The following B4GALNT3 variants were observed in gnomAD, a reference collection of about 807,000 sequenced individuals.
B4GALNT3 encodes the protein beta-1,4-N-acetylgalactosaminyltransferase 3.
In B4GALNT3, 86 loss-of-function variants were observed where a neutral mutation model predicts 120.2. The observed-to-expected ratio is 0.72, with a 90% CI of 0.60 to 0.86. The LOEUF (loss-of-function observed/expected upper bound fraction) is 0.86. Ranked by LOEUF, B4GALNT3 falls within the 40% of genes least tolerant of loss-of-function variation. The pLI, the probability that B4GALNT3 is intolerant of heterozygous loss-of-function variation, is 0.00. For missense variants in B4GALNT3, 1,167 were observed against 1,298.9 expected (o/e 0.90, Z 1.56); for synonymous variants, 518 against 510.4 (o/e 1.01, Z -0.20).
At chr12:512,124 G>C (rs1270423056) in intron 1 of B4GALNT3, among the ~76,000 whole-genome samples, 11 of 41,732 alleles carry the variant, frequency 2.6e-4, no homozygotes, top group African/African-American at 4.7e-4. Flanking sequence ...CCACCTTCGA[G>C]CTTCCACCTT....
chr12:552,981 T>C lies in B4GALNT3; in HGVS notation c.1271-213T>C, dbSNP rs1453672259. ...TCAGTCTTCACAAACCCATGAGAGA[T>C]GCAGTATTATTCCCTTTATGCAGAT... On this transcript the variant is annotated intron_variant, in intron 13 of 19. Coordinates refer to ENST00000266383, the MANE Select transcript of B4GALNT3 (RefSeq NM_173593.4). 1.4e-5 allele frequency: 9 copies of C among 640,766 alleles called. No homozygotes were observed. In the African/African-American group the frequency reaches 1.6e-4, roughly 12 times the overall value. The allele number at this position is 640,766 out of a possible 1,614,324, so 39.7% of individuals were successfully genotyped here.
At chr12:479,736 A>C (rs1946216964) in intron 1 of B4GALNT3, among the ~76,000 whole-genome samples, 1 of 152,102 alleles carries the variant, frequency 6.6e-6, no homozygotes, top group South Asian at 2.1e-4. Flanking sequence ...CACGTTGTAG[A>C]ATCATAGAGT....
intron 1 of B4GALNT3, among the ~76,000 whole-genome samples, chr12:512,418 CCTTCCGCCTTCCGCCTTCCATCTTCCTT>C (rs1946593536): frequency 1.2e-5 from 1 of 86,456 alleles, no homozygotes; most frequent in African/African-American, 7.2e-5. Flanking sequence ...CCACCTTCCG[CCTTCCGCCTTCCGCCTTCCATCTTCCTT>C]CCACCTTCCA....
At chr12:543,099 A>G (rs1448239600) in intron 3 of B4GALNT3, 1 of 1,288,458 alleles carries the variant, frequency 7.8e-7, no homozygotes, top group Non-Finnish European at 1.0e-6. Context: ...AATGAACACC[A>G]GCCCCCTTCC....
In B4GALNT3 at chr12:536,214, C is replaced by G. The variant is rs1433010725; in HGVS notation, c.274-4C>G. The G allele has an allele frequency of 1.2e-6, 2 of 1,613,502 alleles. No individual in the cohort carries two copies. Among genetic ancestry groups the G allele is most frequent in the South Asian group, 2.2e-5 (2 of 91,074 alleles). On this transcript the variant is annotated splice_polypyrimidine_tract_variant and splice_region_variant and intron_variant, in intron 2 of 19. Coordinates refer to ENST00000266383, the MANE Select transcript of B4GALNT3 (RefSeq NM_173593.4). The stretch of plus-strand genomic sequence containing the variant: ...ACCAACTTCGTTCTTCATTCTTCCC[C>G]TAGGACCACGACATTGACCAAGGGG...
Position 553,580 on chromosome 12 carries a change from G to A in B4GALNT3, c.1657G>A (p.Gly553Ser), listed in dbSNP as rs188022936. 6.2e-7 allele frequency: 1 copy of A among 1,613,962 alleles called. No homozygotes were observed. Among genetic ancestry groups the A allele is most frequent in the African/African-American group, 1.3e-5 (1 of 75,068 alleles). Reference sequence around the variant, plus strand: ...GAGGGGGCCCAGGCCCAGGCCCGCTGGTGACAGCCCCAGGAAGACTCAGTG... The same window carrying A: ...GAGGGGGCCCAGGCCCAGGCCCGCTAGTGACAGCCCCAGGAAGACTCAGTG... ...QMRGPRPRPA[G>S]DSPRKTQWLN... The change falls in exon 14 of 20, where the codon GGT becomes AGT. Residue 553 changes from glycine (G) to serine (S), a missense_variant. By Grantham distance (56) the Gly-to-Ser change is moderately conservative. Around this residue, in one of 3 missense-constraint regions of B4GALNT3, gnomAD observed 983 missense variants for 1,102.5 expected, o/e 0.89. Transcript: ENST00000266383.
At chr12:461,078 T>C (rs542182423) in intron 1 of B4GALNT3, among the ~76,000 whole-genome samples, 15 of 152,214 alleles carry the variant, frequency 9.9e-5, no homozygotes, top group Admixed American at 9.8e-4. Flanking sequence ...TTTTTTACCA[T>C]ACCTCGGAGA....
chr12:551,059 G>T (rs1947076895), intron 11 of B4GALNT3, 28 bp downstream of exon 11: 3 of 1,545,590 alleles, frequency 1.9e-6, no homozygotes, highest in South Asian at 2.3e-5. Flanking sequence ...GTCATGGAGA[G>T]CAGGGCTGGC....
chr12:462,762 G>C (rs1027461492), intron 1 of B4GALNT3, among the ~76,000 whole-genome samples: 16 of 152,066 alleles, frequency 1.1e-4, no homozygotes, highest in African/African-American at 3.6e-4. Context: ...TTTCCCTGTG[G>C]AATAAGATTT....
intron 14 of B4GALNT3, chr12:555,338 A>G (rs1195818601): frequency 4.4e-6 from 2 of 456,946 alleles, no homozygotes; most frequent in East Asian, 1.4e-4. Context: ...GGAACCATGT[A>G]ATGTGTGGCC....
chr12:517,813 A>G (rs1236242230), intron 1 of B4GALNT3, among the ~76,000 whole-genome samples: 1 of 152,208 alleles, frequency 6.6e-6, no homozygotes, highest in Non-Finnish European at 1.5e-5. Flanking sequence ...CCAGCCATGC[A>G]TTAGCGGCCG....
chr12:470,300 TAA>T (rs1946123386), intron 1 of B4GALNT3, among the ~76,000 whole-genome samples: 1 of 152,226 alleles, frequency 6.6e-6, no homozygotes, highest in African/African-American at 2.4e-5. Context: ...AGCAGTTGCC[TAA>T]AAGATTAAAG....
chr12:483,465 G>A (rs1304102225), intron 1 of B4GALNT3, among the ~76,000 whole-genome samples: 3 of 152,186 alleles, frequency 2.0e-5, no homozygotes, highest in Non-Finnish European at 2.9e-5. Context: ...GGGAGGCCAA[G>A]GCAGATGAAT....
chr12:506,720 T>C (rs568323041), intron 1 of B4GALNT3, among the ~76,000 whole-genome samples: 6 of 152,152 alleles, frequency 3.9e-5, no homozygotes, highest in African/African-American at 1.4e-4. Flanking sequence ...CACTGCAAGC[T>C]CCGCCTCCCG....
Position 554,916 on chromosome 12 carries a change from G to A in B4GALNT3, c.2060+933G>A, listed in dbSNP as rs192960562. Among the ~76,000 whole-genome samples, 363 of 151,160 alleles carry A rather than the reference G, an allele frequency of 2.4e-3. 2 individuals carry two copies. The highest frequency in any genetic ancestry group is 8.1e-3 in the African/African-American group (332 of 41,156). Reference sequence around the variant, plus strand: ...ATACTGGCCAGACGCAGTGGCTCACGCCTCTAATCCCAACACTTTGGGAGA... The same window carrying A: ...ATACTGGCCAGACGCAGTGGCTCACACCTCTAATCCCAACACTTTGGGAGA... On this transcript the variant is annotated intron_variant, in intron 14 of 19. Transcript: ENST00000266383.
intron 1 of B4GALNT3, among the ~76,000 whole-genome samples, chr12:522,913 C>T (rs1233968663): frequency 7.2e-6 from 1 of 138,020 alleles, no homozygotes; most frequent in Non-Finnish European, 1.5e-5. Context: ...CTCTGCACTC[C>T]AGCTGGGTGA....
At position 553,191 on chromosome 12, in the gene B4GALNT3, C is replaced by G. The variant is rs774387321; in HGVS notation, c.1271-3C>G. 6.2e-6 allele frequency: 10 copies of G among 1,608,430 alleles called. No individual in the cohort carries two copies. The highest frequency in any genetic ancestry group is 6.8e-6 in the Non-Finnish European group (8 of 1,176,102). ...CATGAGGAATGGTTGTTATTAATAG[C>G]AGGTTTTGAGGAAAACCTTCTAGAA... On this transcript the variant is annotated splice_polypyrimidine_tract_variant and splice_region_variant and intron_variant, in intron 13 of 19. Transcript: ENST00000266383.
intron 14 of B4GALNT3, among the ~76,000 whole-genome samples, chr12:555,833 G>A (rs1947146564): frequency 6.6e-6 from 1 of 151,386 alleles, no homozygotes; most frequent in Non-Finnish European, 1.5e-5. Context: ...CGCCCAGGCT[G>A]GAGTGCAGTG....
rs1227198975 is a variant in B4GALNT3, at chr12:552,570, G to A, written c.1270+42G>A. ...GAGGCTTCCAGGTCAGGCTGAGAGG[G>A]GCGACCATGGTCTGTTTCCAGGGGA... On this transcript the variant is annotated intron_variant, in intron 13 of 19. Transcript: ENST00000266383. The A allele has an allele frequency of 2.5e-6, 4 of 1,586,888 alleles. No homozygotes were observed. In the African/African-American group the frequency reaches 4.0e-5, roughly 16 times the overall value.
Sources: gnomAD v4.1 joint callset for allele counts (sites outside exome capture counted in the v4.1 genomes callset) on GRCh38, gnomAD v4.1.1 for gene constraint, gnomAD v4.1.1 regional missense constraint, MANE v1.5 for transcripts, NCBI Gene and HGNC (gene_info 2026-07-23, HGNC 2026-07-21) for gene names.